Variants in AUTS2 observed in about 807,000 individuals in gnomAD.
The protein encoded by AUTS2 is activator of transcription and developmental regulator AUTS2, also known as autism susceptibility gene 2 protein.
A neutral mutation model predicts 112.4 loss-of-function variants in AUTS2; 17 were observed. The ratio of observed to expected loss-of-function variants is 0.15; its 90% CI spans 0.10 to 0.23. The LOEUF (loss-of-function observed/expected upper bound fraction) is 0.23, where lower values mean the gene tolerates loss of function less well. Among genes scored for constraint, AUTS2 ranks in the 10% least tolerant of loss-of-function variants. The pLI is 1.00. For synonymous variants in AUTS2, 751 were observed against 702.7 expected (o/e 1.07, Z -1.09); for missense variants, 1,510 against 1,701.6 (o/e 0.89, Z 1.98).
intron 2 of AUTS2, among the ~76,000 whole-genome samples, chr7:69,999,336 T>C (rs76901048): frequency 0.05 from 7,579 of 152,272 alleles, 264 homozygotes; most frequent in Non-Finnish European, 0.077. Context: ...TGTGGGACTT[T>C]AGGAAACATG....
chr7:70,126,001 A>G (rs1805951704), intron 3 of AUTS2, among the ~76,000 whole-genome samples: 1 of 152,204 alleles, frequency 6.6e-6, no homozygotes, highest in Non-Finnish European at 1.5e-5. Context: ...CTTACTCTCA[A>G]GTGAGGCTAA....
At chr7:70,146,402 A>T (rs1030070876) in intron 4 of AUTS2, among the ~76,000 whole-genome samples, 1 of 152,084 alleles carries the variant, frequency 6.6e-6, no homozygotes, top group Non-Finnish European at 1.5e-5. Context: ...GGATCTTATT[A>T]ACAGTTTTCT....
intron 4 of AUTS2, among the ~76,000 whole-genome samples, chr7:70,265,661 G>A (rs1787386584): frequency 6.6e-6 from 1 of 152,180 alleles, no homozygotes; most frequent in South Asian, 2.1e-4. Context: ...GGAAGGAGGG[G>A]AATGAGGGCA....
At chr7:70,025,370 T>C (rs892379495) in intron 2 of AUTS2, among the ~76,000 whole-genome samples, 1 of 152,044 alleles carries the variant, frequency 6.6e-6, no homozygotes, top group Non-Finnish European at 1.5e-5. Context: ...TTCTCTAATA[T>C]TCCCCCATCA....
At chr7:69,665,216 C>T (rs1427184721) in intron 1 of AUTS2, among the ~76,000 whole-genome samples, 1 of 152,162 alleles carries the variant, frequency 6.6e-6, no homozygotes, top group Non-Finnish European at 1.5e-5. Context: ...TTCCTCTCTC[C>T]TCCCCTAAGC....
intron 1 of AUTS2, among the ~76,000 whole-genome samples, chr7:69,872,148 C>CGAT (rs1378045940): frequency 1.3e-5 from 2 of 152,158 alleles, no homozygotes; most frequent in Non-Finnish European, 2.9e-5. Context: ...GGGCCCTGAG[C>CGAT]GATTGCACAG....
intron 1 of AUTS2, among the ~76,000 whole-genome samples, chr7:69,771,967 T>C (rs947481436): frequency 2.6e-5 from 4 of 152,136 alleles, no homozygotes; most frequent in Admixed American, 1.3e-4. Flanking sequence ...GTGTTTTTAG[T>C]AGAGATGGAG....
In AUTS2 at chr7:70,590,788, G is replaced by A. The variant is rs986077722; in HGVS notation, c.691-107781G>A. Among the ~76,000 whole-genome samples, 8 of 152,276 alleles carry A rather than the reference G, an allele frequency of 5.3e-5. No individual in the cohort carries two copies. The South Asian group carries it at 1.0e-3, about 20-fold the overall frequency. ...GATTTCCCAGTTGTAACAAACATAC[G>A]TGTAGTTGTGAATGGAAAACTCTCC... is the stretch of plus-strand genomic sequence containing the variant. On this transcript the variant is annotated intron_variant, in intron 5 of 18. Coordinates refer to ENST00000342771, the MANE Select transcript of AUTS2 (RefSeq NM_015570.4).
intron 1 of AUTS2, among the ~76,000 whole-genome samples, chr7:69,700,243 C>A (rs1338266523): frequency 1.3e-5 from 2 of 152,082 alleles, no homozygotes; most frequent in African/African-American, 2.4e-5. Context: ...TTACTATGTC[C>A]AAGATCTGAT....
Position 70,677,942 on chromosome 7 carries a change from G to A in AUTS2, c.691-20627G>A, listed in dbSNP as rs141342474. On this transcript the variant is annotated intron_variant, in intron 5 of 18. Coordinates refer to ENST00000342771, the MANE Select transcript of AUTS2 (RefSeq NM_015570.4). The stretch of plus-strand genomic sequence containing the variant: ...ACTAAAAATACAAAAAATTAGCCAG[G>A]CGTGGTGGCGGGCCCTGTAGTCCCA... Among the ~76,000 whole-genome samples the A allele has an allele frequency of 6.5e-3, 987 of 152,166 alleles. 35 individuals are homozygous for A. In the East Asian group the frequency reaches 0.066, roughly 10 times the overall value.
At chr7:69,968,928 C>T (rs1319199186) in intron 2 of AUTS2, among the ~76,000 whole-genome samples, 2 of 151,938 alleles carry the variant, frequency 1.3e-5, no homozygotes, top group African/African-American at 2.4e-5. Context: ...GTTGAAATTA[C>T]AGGATTTTTA....
At chr7:70,315,296 A>G (rs772755025) in intron 4 of AUTS2, among the ~76,000 whole-genome samples, 2 of 152,198 alleles carry the variant, frequency 1.3e-5, no homozygotes, top group Non-Finnish European at 2.9e-5. Context: ...TTTATAGAGA[A>G]TGTTACTTAA....
At chr7:70,039,454 CT>C (rs1216917264) in intron 2 of AUTS2, among the ~76,000 whole-genome samples, 2 of 152,090 alleles carry the variant, frequency 1.3e-5, no homozygotes, top group African/African-American at 4.8e-5. Flanking sequence ...CCTCTGCCCC[CT>C]GGGTTCCAGC....
intron 5 of AUTS2, among the ~76,000 whole-genome samples, chr7:70,446,577 G>A (rs889852891): frequency 1.3e-5 from 2 of 152,322 alleles, no homozygotes; most frequent in African/African-American, 2.4e-5. Flanking sequence ...AATGGTAGTC[G>A]TACATCATTG....
At chr7:70,480,613 A>C (rs1797754519) in intron 5 of AUTS2, among the ~76,000 whole-genome samples, 2 of 152,174 alleles carry the variant, frequency 1.3e-5, no homozygotes, top group Non-Finnish European at 2.9e-5. Context: ...ACCCAAGAGC[A>C]CTTGATCAGT....
intron 5 of AUTS2, among the ~76,000 whole-genome samples, chr7:70,550,303 C>T (rs550856071): frequency 6.6e-6 from 1 of 152,150 alleles, no homozygotes; most frequent in Non-Finnish European, 1.5e-5. Context: ...TTATAATTAT[C>T]CCTATGAAAT....
chr7:70,722,107 GA>G (rs1786724799), intron 6 of AUTS2, among the ~76,000 whole-genome samples: 2 of 150,302 alleles, frequency 1.3e-5, no homozygotes, highest in African/African-American at 4.9e-5. Context: ...ACGTCTCTTT[GA>G]CCTCTTGAAA....
chr7:69,778,889 A>G (rs1179425354), intron 1 of AUTS2, among the ~76,000 whole-genome samples: 1 of 151,870 alleles, frequency 6.6e-6, no homozygotes. Context: ...ACAAGCTTAG[A>G]TGTGTGTGTG....
intron 2 of AUTS2, among the ~76,000 whole-genome samples, chr7:69,939,409 C>T (rs185070914): frequency 1.7e-4 from 26 of 152,258 alleles, no homozygotes; most frequent in Admixed American, 1.6e-3. Flanking sequence ...GTTCTCTGTG[C>T]CCCACACAAC....
Sources: gnomAD v4.1 joint callset for allele counts (sites outside exome capture counted in the v4.1 genomes callset) on GRCh38, gnomAD v4.1.1 for gene constraint, MANE v1.5 for transcripts, NCBI Gene and HGNC (gene_info 2026-07-23, HGNC 2026-07-21) for gene names.